The following LDHC variants were observed in gnomAD, a reference collection of about 807,000 sequenced individuals.
The protein encoded by LDHC is lactate dehydrogenase C.
Under a neutral mutation model 30.2 loss-of-function variants are expected in LDHC, and 20 were observed. That is an observed-to-expected ratio of 0.66 (90% CI 0.47 to 0.96). The LOEUF (loss-of-function observed/expected upper bound fraction) is 0.96, where lower values mean the gene tolerates loss of function less well. LDHC is among the 40% of genes least tolerant of loss of function. The probability of loss-of-function intolerance (pLI) is 0.00; values close to 1 mark genes in which losing one functional copy is unlikely to be tolerated. For missense variants in LDHC, 362 were observed against 394.9 expected (o/e 0.92, Z 0.71); for synonymous variants, 139 against 132.7 (o/e 1.05, Z -0.32).
intron 3 of LDHC, among the ~76,000 whole-genome samples, chr11:18,425,475 G>C (rs1326508205): frequency 1.3e-5 from 2 of 152,058 alleles, no homozygotes; most frequent in Non-Finnish European, 2.9e-5. Context: ...CTGCCTCCCA[G>C]GTTCAAGTGA....
chr11:18,415,665 C>T (rs557026660), intron 3 of LDHC, among the ~76,000 whole-genome samples: 2 of 152,076 alleles, frequency 1.3e-5, no homozygotes, highest in South Asian at 2.1e-4. Context: ...CTCCTGACCT[C>T]AGGTGATTGG....
chr11:18,412,985 CCCTTCCTT>C (rs201993031), intron 2 of LDHC, 142 bp downstream of exon 2: 39,087 of 355,620 alleles, frequency 0.11, 2,445 homozygotes, highest in Admixed American at 0.14. Flanking sequence ...CTCCCTCCCT[CCCTTCCTT>C]CCTTCCTTCC....
chr11:18,428,166 CT>C (rs35861956), intron 3 of LDHC, among the ~76,000 whole-genome samples: 6,524 of 94,702 alleles, frequency 0.069, 47 homozygotes, highest in East Asian at 0.16. Flanking sequence ...CTTTCTCTCT[CT>C]TTTTTTTTTT....
chr11:18,426,960 A>G (rs932269982), intron 3 of LDHC, among the ~76,000 whole-genome samples: 4 of 152,212 alleles, frequency 2.6e-5, no homozygotes, highest in Admixed American at 2.6e-4. Context: ...CTAATATAAT[A>G]ATAATGTTAA....
intron 4 of LDHC, among the ~76,000 whole-genome samples, chr11:18,431,592 C>A (rs61882878): frequency 6.6e-6 from 1 of 152,136 alleles, no homozygotes; most frequent in Non-Finnish European, 1.5e-5. Context: ...CTGTCCCAGG[C>A]TGGAGTGCAG....
chr11:18,425,026 AC>A (rs1488448976), intron 3 of LDHC, among the ~76,000 whole-genome samples: 1 of 152,202 alleles, frequency 6.6e-6, no homozygotes, highest in Non-Finnish European at 1.5e-5. Context: ...AAATAAAAAA[AC>A]AATTAATATG....
At chr11:18,427,404 C>T (rs1848179827) in intron 3 of LDHC, among the ~76,000 whole-genome samples, 1 of 151,942 alleles carries the variant, frequency 6.6e-6, no homozygotes, top group African/African-American at 2.4e-5. Flanking sequence ...ACGCTATTAG[C>T]TTGATCTTGT....
intron 6 of LDHC, among the ~76,000 whole-genome samples, chr11:18,441,323 T>C (rs1364003089): frequency 6.8e-6 from 1 of 147,966 alleles, no homozygotes; most frequent in Non-Finnish European, 1.5e-5. Context: ...ATTTCTTTTC[T>C]TTTTTTTTTA....
At chr11:18,422,180 G>A (rs1848073397) in intron 3 of LDHC, among the ~76,000 whole-genome samples, 1 of 152,014 alleles carries the variant, frequency 6.6e-6, no homozygotes, top group South Asian at 2.1e-4. Flanking sequence ...CATACCTAAT[G>A]AATTAAAAAG....
chr11:18,419,428 G>A (rs1482259891), intron 3 of LDHC, among the ~76,000 whole-genome samples: 3 of 152,182 alleles, frequency 2.0e-5, no homozygotes, highest in Admixed American at 6.6e-5. Context: ...ACACTTTAGT[G>A]GGGGAATATA....
chr11:18,435,869 T>C (rs1212198294), intron 5 of LDHC, among the ~76,000 whole-genome samples: 1 of 152,232 alleles, frequency 6.6e-6, no homozygotes, highest in African/African-American at 2.4e-5. Context: ...TTTTAACTAT[T>C]GAGGCCACAC....
chr11:18,424,198 A>G (rs778432745), intron 3 of LDHC, among the ~76,000 whole-genome samples: 2 of 152,164 alleles, frequency 1.3e-5, no homozygotes, highest in African/African-American at 4.8e-5. Flanking sequence ...CCTGACCAAC[A>G]TGGTGAAACC....
chr11:18,424,828 C>T (rs34305958), intron 3 of LDHC, among the ~76,000 whole-genome samples: 18,298 of 151,938 alleles, frequency 0.12, 1,577 homozygotes, highest in African/African-American at 0.24. Flanking sequence ...GCCACCATGG[C>T]GAAACCCTGT....
chr11:18,427,554 G>A (rs1848182733), intron 3 of LDHC, among the ~76,000 whole-genome samples: 2 of 151,836 alleles, frequency 1.3e-5, no homozygotes, highest in South Asian at 4.2e-4. Flanking sequence ...GTCTCTTTGT[G>A]GTTATATTTA....
intron 4 of LDHC, 63 bp downstream of exon 4, chr11:18,429,973 G>T: frequency 1.0e-6 from 1 of 1,000,264 alleles, no homozygotes; most frequent in Non-Finnish European, 1.5e-6. Context: ...TCCTTTAAAA[G>T]AATCAACTTC....
At chr11:18,437,746 C>T (rs925335466) in intron 5 of LDHC, among the ~76,000 whole-genome samples, 1 of 73,584 alleles carries the variant, frequency 1.4e-5, no homozygotes, top group Non-Finnish European at 2.8e-5. Context: ...AGCAAGACTC[C>T]CTCTCAAAAA....
At chr11:18,426,031 T>C (rs78115995) in intron 3 of LDHC, among the ~76,000 whole-genome samples, 1 of 38,808 alleles carries the variant, frequency 2.6e-5, no homozygotes, top group Non-Finnish European at 8.6e-5. Context: ...TAGCCACAAT[T>C]TTTTTTTTTT....
intron 6 of LDHC, among the ~76,000 whole-genome samples, chr11:18,440,989 A>G (rs1386866811): frequency 6.6e-6 from 1 of 151,832 alleles, no homozygotes; most frequent in African/African-American, 2.4e-5. Flanking sequence ...AACTAGTTGT[A>G]GTGTTGCATA....
intron 3 of LDHC, among the ~76,000 whole-genome samples, chr11:18,416,036 CT>C (rs1364977101): frequency 6.6e-6 from 1 of 152,102 alleles, no homozygotes; most frequent in Non-Finnish European, 1.5e-5. Context: ...AAAAAGAACA[CT>C]TCGATATAAT....
Sources: allele counts gnomAD v4.1 joint callset (sites outside exome capture counted in the v4.1 genomes callset), GRCh38; gene constraint gnomAD v4.1.1; transcripts MANE v1.5; gene names NCBI Gene and HGNC (gene_info 2026-07-23, HGNC 2026-07-21).